Variants in GOLIM4 observed in about 807,000 individuals in gnomAD.
GOLIM4 encodes the protein golgi integral membrane protein 4.
A neutral mutation model predicts 107.4 loss-of-function variants in GOLIM4; 71 were observed. The observed-to-expected ratio is 0.66, with a 90% CI of 0.55 to 0.81. The LOEUF is 0.81. Among genes scored for constraint, GOLIM4 ranks in the 30% least tolerant of loss-of-function variants. The pLI is 0.00. For synonymous variants in GOLIM4, 327 were observed against 294.8 expected, an observed-to-expected ratio of 1.11 and a Z score of -1.12; for missense variants, 830 against 826.1, an observed-to-expected ratio of 1.00 and a Z score of -0.06.
intron 1 of GOLIM4, among the ~76,000 whole-genome samples, chr3:168,092,587 T>G (rs772871697): frequency 3.3e-5 from 5 of 152,184 alleles, no homozygotes; most frequent in African/African-American, 4.8e-5. Flanking sequence ...AAAAGACCAC[T>G]CTTTTTAAAG....
intron 1 of GOLIM4, among the ~76,000 whole-genome samples, chr3:168,055,267 T>C (rs1194322068): frequency 6.6e-6 from 1 of 152,178 alleles, no homozygotes; most frequent in African/African-American, 2.4e-5. Flanking sequence ...CCTAGAGACT[T>C]GCTGAATGGC....
intron 2 of GOLIM4, among the ~76,000 whole-genome samples, chr3:168,047,884 T>C (rs1281273238): frequency 2.6e-5 from 4 of 152,294 alleles, no homozygotes; most frequent in African/African-American, 9.6e-5. Context: ...GGTATAAATA[T>C]ATATGTATGT....
In GOLIM4 at chr3:168,008,814, C is replaced by A. The variant is rs1480082316; in HGVS notation, c.*1455G>T. 1 of 151,322 alleles carries A rather than the reference C, an allele frequency of 6.6e-6. No homozygotes were observed. The highest frequency in any genetic ancestry group is 1.5e-5 in the Non-Finnish European group (1 of 67,866). The allele number at this position is 151,322 out of a possible 1,614,324, so 9.4% of individuals were successfully genotyped here. ...ATAATTGTATTCTGAATATTATGTA[C>A]AATATTATACATTTTACATTACATA... On this transcript the variant is annotated 3_prime_UTR_variant, in exon 16 of 16. Coordinates refer to ENST00000470487, the MANE Select transcript of GOLIM4 (RefSeq NM_014498.5).
chr3:168,043,559 T>C lies in GOLIM4; in HGVS notation c.367-30A>G, dbSNP rs1240318196. The stretch of plus-strand genomic sequence containing the variant: ...AAAGATGAAAACTTGAGTAGAAATA[T>C]ACATTCTCTGAATTATATGAGAGTC... On this transcript the variant is annotated intron_variant, in intron 4 of 15. Transcript: ENST00000470487. 13 of 1,567,400 alleles carry C rather than the reference T, an allele frequency of 8.3e-6. No individual in the cohort carries two copies. In the Admixed American group the frequency reaches 1.2e-4, roughly 14 times the overall value.
intron 1 of GOLIM4, among the ~76,000 whole-genome samples, chr3:168,064,603 T>C (rs1720445552): frequency 2.2e-5 from 1 of 45,738 alleles, no homozygotes; most frequent in African/African-American, 8.3e-5. Flanking sequence ...TACTTGGGGA[T>C]TTTTTTTTTT....
intron 1 of GOLIM4, among the ~76,000 whole-genome samples, chr3:168,082,936 T>A (rs1163474053): frequency 6.6e-6 from 1 of 152,182 alleles, no homozygotes; most frequent in African/African-American, 2.4e-5. Flanking sequence ...ATATAATCTA[T>A]CCACTTCCCA....
At chr3:168,050,270 A>AT (rs934893052) in intron 1 of GOLIM4, among the ~76,000 whole-genome samples, 7 of 152,098 alleles carry the variant, frequency 4.6e-5, no homozygotes, top group Non-Finnish European at 8.8e-5. Context: ...CTAAAAAGTA[A>AT]TTTTTTTTCA....
chr3:168,044,886 A>G lies in GOLIM4; in HGVS notation c.313-5T>C, dbSNP rs771352455. 9.3e-6 allele frequency: 14 copies of G among 1,503,414 alleles called. No individual in the cohort carries two copies. The highest frequency in any genetic ancestry group is 1.7e-4 in the Middle Eastern group (1 of 5,748). The allele number at this position is 1,503,414 out of a possible 1,614,324, so 93.1% of individuals were successfully genotyped here. A position where few individuals can be genotyped will look rare whatever the true frequency, so the allele number is the denominator to read the frequency against. Reference sequence around the variant, plus strand: ...GTATCTGCTATTGGAATCTTGCTGTAAATCAAAAAAAAAAAAGAAAACACA... The same window carrying G: ...GTATCTGCTATTGGAATCTTGCTGTGAATCAAAAAAAAAAAAGAAAACACA... On this transcript the variant is annotated splice_polypyrimidine_tract_variant and splice_region_variant and intron_variant, in intron 3 of 15. Transcript: ENST00000470487.
At chr3:168,040,964 T>G (rs1432291920) in intron 6 of GOLIM4, 95 bp from the exon 7 acceptor site, 7 of 762,644 alleles carry the variant, frequency 9.2e-6, no homozygotes, top group Non-Finnish European at 1.4e-5. Flanking sequence ...TGTTACTTGC[T>G]TGTTTATTTG....
intron 1 of GOLIM4, among the ~76,000 whole-genome samples, chr3:168,054,785 T>C (rs2108261232): frequency 6.6e-6 from 1 of 152,308 alleles, no homozygotes; most frequent in South Asian, 2.1e-4. Context: ...ATGCTTTGGC[T>C]GTGTCCCCAC....
chr3:168,013,896 A>G (rs943029497), intron 14 of GOLIM4, among the ~76,000 whole-genome samples: 1 of 151,592 alleles, frequency 6.6e-6, no homozygotes, highest in African/African-American at 2.4e-5. Context: ...AGCAGTGTGT[A>G]GAGGGAAATT....
intron 14 of GOLIM4, among the ~76,000 whole-genome samples, chr3:168,017,058 A>G (rs556986418): frequency 6.6e-6 from 1 of 152,312 alleles, no homozygotes; most frequent in East Asian, 1.9e-4. Flanking sequence ...TAAAAAAAAG[A>G]AATGTATAAT....
intron 14 of GOLIM4, among the ~76,000 whole-genome samples, chr3:168,018,479 T>C (rs1036260605): frequency 1.2e-4 from 19 of 152,176 alleles, no homozygotes; most frequent in Non-Finnish European, 2.4e-4. Context: ...GCCTCTAAAC[T>C]AACCTCAAAA....
At chr3:168,089,746 T>C (rs1404534300) in intron 1 of GOLIM4, among the ~76,000 whole-genome samples, 2 of 151,742 alleles carry the variant, frequency 1.3e-5, no homozygotes, top group Non-Finnish European at 2.9e-5. Context: ...AAAAGCCTGG[T>C]TCTGTGCTGA....
intron 1 of GOLIM4, among the ~76,000 whole-genome samples, chr3:168,050,564 C>T (rs1323686174): frequency 6.6e-6 from 1 of 151,966 alleles, no homozygotes; most frequent in South Asian, 2.1e-4. Flanking sequence ...CTCAGGAACA[C>T]GTAAGCTCCC....
At position 168,043,492 on chromosome 3, in the gene GOLIM4, A is replaced by G; in HGVS notation, c.404T>C (p.Leu135Ser). The stretch of plus-strand genomic sequence containing the variant: ...CCCTTGTTTGCGATGTTCCTCTTCC[A>G]AGTCACTGTGCTGTTTCTTTAGCTC... Reference protein sequence around the residue: ...HEELKKQHSDLEEEHRKQGED... With the variant: ...HEELKKQHSDSEEEHRKQGED... The change falls in exon 5 of 16, where the codon TTG becomes TCG. Residue 135 changes from leucine to serine, a missense_variant. Transcript: ENST00000470487. The G allele has an allele frequency of 1.2e-6, 2 of 1,613,526 alleles. No individual in the cohort carries two copies. The highest frequency in any genetic ancestry group is 1.7e-6 in the Non-Finnish European group (2 of 1,179,724).
rs1352791475 is a variant in GOLIM4 at position 168,010,366 on chromosome 3, CG to C, written c.1993del (p.Arg665AlafsTer53). 1 of 1,612,132 alleles carries C rather than the reference CG, an allele frequency of 6.2e-7. No homozygotes were observed. The highest frequency in any genetic ancestry group is 8.5e-7 in the Non-Finnish European group (1 of 1,178,524). ...GEEQEVRDDNRPKGREEHYEE... is the reference protein window; with the variant it reads ...GEEQEVRDDNXPKGREEHYEE... Reference sequence around the variant, plus strand: ...GTAGTGTTCCTCTCGGCCTTTGGGGCGGTTGTCATCTCGAACTTCTTGCTCT... The same window carrying C: ...GTAGTGTTCCTCTCGGCCTTTGGGGCGTTGTCATCTCGAACTTCTTGCTCT... On this transcript the variant is annotated frameshift_variant, in exon 16 of 16. Coordinates refer to ENST00000470487, the MANE Select transcript of GOLIM4 (RefSeq NM_014498.5). LOFTEE classifies it high-confidence loss of function.
chr3:168,020,389 C>G (rs1352981748), intron 14 of GOLIM4, among the ~76,000 whole-genome samples: 5 of 152,182 alleles, frequency 3.3e-5, no homozygotes, highest in Admixed American at 2.6e-4. Context: ...CCTGAGCCGT[C>G]AGAATCAGCT....
At chr3:168,022,459 T>A (rs1192692633) in intron 14 of GOLIM4, among the ~76,000 whole-genome samples, 1 of 152,184 alleles carries the variant, frequency 6.6e-6, no homozygotes, top group Non-Finnish European at 1.5e-5. Flanking sequence ...TGTGTTTCCA[T>A]ATTCTATGTT....
Sources: allele counts gnomAD v4.1 joint callset (sites outside exome capture counted in the v4.1 genomes callset), GRCh38; gene constraint gnomAD v4.1.1; transcripts MANE v1.5; gene names NCBI Gene and HGNC (gene_info 2026-07-23, HGNC 2026-07-21).